The following ZMYM1 variants were observed in gnomAD, a reference collection of about 807,000 sequenced individuals.
ZMYM1 encodes the protein zinc finger MYM-type containing 1.
A neutral mutation model predicts 60.0 loss-of-function variants in ZMYM1; 39 were observed. That is an observed-to-expected ratio of 0.65 (90% confidence interval 0.50 to 0.85). ZMYM1 has a LOEUF of 0.85. Ranked by LOEUF, ZMYM1 falls within the 40% of genes least tolerant of loss-of-function variation. The pLI, the probability that ZMYM1 is intolerant of heterozygous loss-of-function variation, is 0.00. For synonymous variants in ZMYM1, 413 were observed against 454.0 expected (o/e 0.91, Z 1.15); for missense variants, 1,171 against 1,309.5 (o/e 0.89, Z 1.63).
At position 35,088,474 on chromosome 1, in the gene ZMYM1, G is replaced by A. The variant is rs1019664335; in HGVS notation, c.-74-5440G>A. Among the ~76,000 whole-genome samples the A allele has an allele frequency of 5.1e-3, 740 of 143,704 alleles. 10 individuals are homozygous for A. The highest frequency in any genetic ancestry group is 0.016 in the African/African-American group (622 of 39,416). 94.3% of individuals were successfully genotyped at this position (143,704 alleles called of 152,430 possible). ...TATATATGTGTGTGTGTGTGTGTGTGTGTGTGTGTGTGTGTGTGTGTGTGT... is the reference window on the plus strand; with the variant it reads ...TATATATGTGTGTGTGTGTGTGTGTATGTGTGTGTGTGTGTGTGTGTGTGT... On this transcript the variant is annotated intron_variant, in intron 1 of 9. Coordinates refer to ENST00000359858, the MANE Select transcript of ZMYM1 (RefSeq NM_024772.5).
At position 35,104,601 on chromosome 1, in the gene ZMYM1, C is replaced by T; in HGVS notation, c.639C>T (p.Cys213=). Residue 213 remains cysteine, a synonymous_variant, in exon 6 of 10, where the codon TGC becomes TGT. Coordinates refer to ENST00000359858, the MANE Select transcript of ZMYM1 (RefSeq NM_024772.5). ...ACCAAAATGTGAAACATAATCTTTG[C>T]AGTAATGCCTGCCTTTCAAAGTTTC... ...VKYQNVKHNL[C]SNACLSKFHS... 1 of 1,614,128 alleles carries T rather than the reference C, an allele frequency of 6.2e-7. No homozygotes were observed. Among genetic ancestry groups the T allele is most frequent in the South Asian group, 1.1e-5 (1 of 91,078 alleles).
At chr1:35,097,208 C>G in intron 3 of ZMYM1, 109 bp from the exon 4 acceptor site, 1 of 1,280,758 alleles carries the variant, frequency 7.8e-7, no homozygotes, top group Non-Finnish European at 1.1e-6. Flanking sequence ...CAAAAGAGGG[C>G]AACAGAACAA....
intron 1 of ZMYM1, among the ~76,000 whole-genome samples, chr1:35,090,744 C>T (rs917319011): frequency 1.3e-5 from 2 of 151,952 alleles, no homozygotes; most frequent in Non-Finnish European, 2.9e-5. Context: ...GTTGGGAGTT[C>T]GAGACCAGCC....
At chr1:35,080,906 C>T (rs1157785326) in intron 1 of ZMYM1, among the ~76,000 whole-genome samples, 1 of 151,534 alleles carries the variant, frequency 6.6e-6, no homozygotes, top group Non-Finnish European at 1.5e-5. Flanking sequence ...GCCTTCCCAT[C>T]AGGCTAGTAA....
In ZMYM1 at chr1:35,113,964, C is replaced by A. The variant is rs77564133; in HGVS notation, c.2134C>A (p.His712Asn). ...QQIGVDMDKI[H>N]GQAYDSTTNL... ...AATTGGAGTTGATATGGATAAAATA[C>A]ATGGCCAGGCCTATGATAGCACCAC... Residue 712 changes from histidine (H) to asparagine (N), a missense_variant, in exon 10 of 10, where the codon CAT (histidine) becomes AAT (asparagine). Transcript: ENST00000359858. The A allele has an allele frequency of 6.8e-5, 110 of 1,613,798 alleles. No individual in the cohort carries two copies. The African/African-American group carries it at 1.4e-3, about 21-fold the overall frequency.
At chr1:35,063,004 G>A (rs1163189615) in intron 1 of ZMYM1, among the ~76,000 whole-genome samples, 1 of 152,156 alleles carries the variant, frequency 6.6e-6, no homozygotes, top group Non-Finnish European at 1.5e-5. Flanking sequence ...TGGTCTAGTG[G>A]CTTTCTTGGC....
intron 1 of ZMYM1, among the ~76,000 whole-genome samples, chr1:35,087,431 CT>C (rs11367127): frequency 0.85 from 120,795 of 142,080 alleles, 50,966 homozygotes; most frequent in Non-Finnish European, 0.9. Context: ...CTTGCATTTT[CT>C]TTTTTTTTTT....
At chr1:35,087,648 G>A (rs928497911) in intron 1 of ZMYM1, among the ~76,000 whole-genome samples, 4 of 151,894 alleles carry the variant, frequency 2.6e-5, no homozygotes, top group Non-Finnish European at 2.9e-5. Context: ...GGCTGGTCTC[G>A]AACTCCCAAC....
chr1:35,092,510 GGATTACAGGCATGAACCACTGT>G (rs1300117844), intron 1 of ZMYM1, among the ~76,000 whole-genome samples: 1 of 151,992 alleles, frequency 6.6e-6, no homozygotes, highest in Non-Finnish European at 1.5e-5. Context: ...CAAAGTGCTG[GGATTACAGGCATGAACCACTGT>G]GCCCGGCCAA....
At chr1:35,100,587 A>T (rs1569972261) in intron 4 of ZMYM1, among the ~76,000 whole-genome samples, 1 of 150,728 alleles carries the variant, frequency 6.6e-6, no homozygotes, top group Non-Finnish European at 1.5e-5. Flanking sequence ...GTACGACTGC[A>T]CTCCAGCCTG....
At position 35,113,272 on chromosome 1, in the gene ZMYM1, A is replaced by C. The variant is rs751224161; in HGVS notation, c.1442A>C (p.Gln481Pro). ...KKDVAFCYSC[Q>P]LFCQKYFSCG... is the part of the protein sequence containing the mutation. ...GATGTGGCATTCTGTTATTCATGCC[A>C]GTTGTTCTGCCAAAAATATTTTAGC... Residue 481 changes from glutamine (Q) to proline (P), a missense_variant, in exon 10 of 10, where the codon CAG (glutamine) becomes CCG (proline). Physicochemically the swap from Gln to Pro is moderately conservative, Grantham distance 76 (BLOSUM62 -1). Transcript: ENST00000359858. The C allele has an allele frequency of 6.2e-7, 1 of 1,612,730 alleles. No individual in the cohort carries two copies. Among genetic ancestry groups the C allele is most frequent in the African/African-American group, 1.3e-5 (1 of 74,950 alleles).
chr1:35,091,700 G>A (rs1430612502), intron 1 of ZMYM1, among the ~76,000 whole-genome samples: 2 of 150,518 alleles, frequency 1.3e-5, no homozygotes, highest in Admixed American at 6.7e-5. Flanking sequence ...TTCGAGATCA[G>A]TCTGGGCAAC....
At chr1:35,066,641 T>C (rs1219988567) in intron 1 of ZMYM1, among the ~76,000 whole-genome samples, 1 of 152,204 alleles carries the variant, frequency 6.6e-6, no homozygotes, top group Non-Finnish European at 1.5e-5. Flanking sequence ...TGGTGAGCTA[T>C]AGGTGTTCGT....
At position 35,095,951 on chromosome 1, in the gene ZMYM1, C is replaced by G. The variant is rs900117559; in HGVS notation, c.169+60C>G. The G allele has an allele frequency of 6.5e-6, 8 of 1,222,244 alleles. No homozygotes were observed. In the African/African-American group the frequency reaches 1.2e-4, roughly 18 times the overall value. 75.7% of individuals were successfully genotyped at this position (1,222,244 alleles called of 1,614,324 possible). Reference sequence around the variant, plus strand: ...AGACCAATACGACAGCTGATTCATTCTTTTTTAATGCCTTTGAATATTGCT... The same window carrying G: ...AGACCAATACGACAGCTGATTCATTGTTTTTTAATGCCTTTGAATATTGCT... On this transcript the variant is annotated intron_variant, in intron 3 of 9. Coordinates refer to ENST00000359858, the MANE Select transcript of ZMYM1 (RefSeq NM_024772.5).
In ZMYM1 at chr1:35,083,614, T is replaced by A. The variant is rs528643993; in HGVS notation, c.-75+4172T>A. Among the ~76,000 whole-genome samples, 51 of 152,272 alleles carry A rather than the reference T, an allele frequency of 3.3e-4. 1 individual carries two copies. In the South Asian group the frequency reaches 9.7e-3, roughly 29 times the overall value. On this transcript the variant is annotated intron_variant, in intron 1 of 9. Coordinates refer to ENST00000359858, the MANE Select transcript of ZMYM1 (RefSeq NM_024772.5). ...ATTGTCCTAAAAAATTGTAGGTATTTTTTGTTTTTGTTTTTTTTCGAGACA... is the reference window on the plus strand; with the variant it reads ...ATTGTCCTAAAAAATTGTAGGTATTATTTGTTTTTGTTTTTTTTCGAGACA...
rs550902936 is a variant in ZMYM1 at position 35,061,294 on chromosome 1, A to G, written c.-301+1369A>G. Among the ~76,000 whole-genome samples the G allele has an allele frequency of 1.8e-3, 277 of 152,378 alleles. 1 individual carries two copies. Among genetic ancestry groups the G allele is most frequent in the Non-Finnish European group, 3.0e-3 (201 of 68,032 alleles). On this transcript the variant is annotated intron_variant, in intron 1 of 10. Coordinates refer to the ZMYM1 transcript ENST00000417119. Reference sequence around the variant, plus strand: ...ACCATAACTCAACTTCAGCATGTTCATAAAGAAGGACACATACTACTAAAC... The same window carrying G: ...ACCATAACTCAACTTCAGCATGTTCGTAAAGAAGGACACATACTACTAAAC...
intron 2 of ZMYM1, 39 bp downstream of exon 2, chr1:35,094,122 C>A: frequency 2.0e-6 from 3 of 1,537,966 alleles, no homozygotes; most frequent in South Asian, 1.2e-5. Context: ...TCTAGAGCAG[C>A]ATTTAACTAT....
intron 1 of ZMYM1, among the ~76,000 whole-genome samples, chr1:35,062,958 T>C (rs1205460507): frequency 2.6e-5 from 4 of 152,182 alleles, no homozygotes; most frequent in Admixed American, 6.6e-5. Flanking sequence ...CGGAAGTTTA[T>C]TTCTGTCTCA....
intron 1 of ZMYM1, among the ~76,000 whole-genome samples, chr1:35,061,890 C>CAT (rs1326466258): frequency 6.6e-6 from 1 of 151,166 alleles, no homozygotes; most frequent in Non-Finnish European, 1.5e-5. Flanking sequence ...AGTGCAGTGG[C>CAT]ATGATCTCAG....
Sources: gnomAD v4.1 joint callset for allele counts (sites outside exome capture counted in the v4.1 genomes callset) on GRCh38, gnomAD v4.1.1 for gene constraint, MANE v1.5 for transcripts, NCBI Gene and HGNC (gene_info 2026-07-23, HGNC 2026-07-21) for gene names.